The following WSCD1 variants were observed in gnomAD, a reference collection of about 807,000 sequenced individuals.
The protein encoded by WSCD1 is sialate:O-sulfotransferase 1.
In WSCD1, 41 loss-of-function variants were observed where a neutral mutation model predicts 60.4. The ratio of observed to expected loss-of-function variants is 0.68; its 90% CI spans 0.53 to 0.88. The LOEUF is 0.88. Among genes scored for constraint, WSCD1 ranks in the 40% least tolerant of loss-of-function variants. WSCD1 has a pLI of 0.00. For synonymous variants in WSCD1, 361 were observed against 332.5 expected (o/e 1.09, Z -0.93); for missense variants, 784 against 796.2 (o/e 0.98, Z 0.18).
intron 2 of WSCD1, among the ~76,000 whole-genome samples, chr17:6,086,716 A>G (rs1308522555): frequency 2.0e-5 from 3 of 152,116 alleles, no homozygotes; most frequent in Non-Finnish European, 2.9e-5. Context: ...ATTCAGGCCC[A>G]GAAGTGGATG....
chr17:6,109,461 G>A, intron 5 of WSCD1, 146 bp from the exon 6 acceptor site: 1 of 1,182,514 alleles, frequency 8.5e-7, no homozygotes, highest in Non-Finnish European at 1.2e-6. Context: ...ACAGAGCACA[G>A]TGGTGGAAGG....
rs369041543 is a variant in WSCD1 at position 6,087,106 on chromosome 17, CGT to C, written c.428-881_428-880del. 1.5e-4 allele frequency among the ~76,000 whole-genome samples: 23 copies of C among 152,264 alleles called. 2 individuals carry two copies. Among genetic ancestry groups the C allele is most frequent in the African/African-American group, 5.5e-4 (23 of 41,536 alleles). The stretch of plus-strand genomic sequence containing the variant: ...TCACGGCTTGGGGACTGTGTGACGG[CGT>C]GTTTGCAAATTCCCATGCCGCTCCT... On this transcript the variant is annotated intron_variant, in intron 2 of 8. Coordinates refer to ENST00000317744, the MANE Select transcript of WSCD1 (RefSeq NM_015253.2).
chr17:6,069,743 CTG>C (rs975140504), upstream of WSCD1, among the ~76,000 whole-genome samples: 1 of 149,886 alleles, frequency 6.7e-6, no homozygotes, highest in Non-Finnish European at 1.5e-5. Flanking sequence ...CTGTGACCGT[CTG>C]TCTCTAGCTC....
At chr17:6,091,746 G>C (rs986474830) in intron 4 of WSCD1, among the ~76,000 whole-genome samples, 1 of 152,212 alleles carries the variant, frequency 6.6e-6, no homozygotes, top group Admixed American at 6.5e-5. Flanking sequence ...GGACAGTGGT[G>C]ATGGAGGCAG....
intron 7 of WSCD1, among the ~76,000 whole-genome samples, chr17:6,111,168 A>G (rs1460281508): frequency 6.6e-6 from 1 of 152,116 alleles, no homozygotes; most frequent in Non-Finnish European, 1.5e-5. Flanking sequence ...ACAAACACCC[A>G]CGATCTAGGC....
At chr17:6,120,287 A>G (rs1311883668) in intron 8 of WSCD1, 22 bp from the exon 9 acceptor site, 1 of 1,602,596 alleles carries the variant, frequency 6.2e-7, no homozygotes, top group Non-Finnish European at 8.5e-7. Flanking sequence ...CCGACTCTGC[A>G]TCTCTCCTGT....
rs746088579 is a variant in WSCD1, at chr17:6,117,982, C to G, written c.1175-6C>G. ...TCCACAGAGACCCTCTCATTTTTCC[C>G]TGCAGGGTTCAAGGGCGAAAAGGAC... On this transcript the variant is annotated splice_region_variant and splice_polypyrimidine_tract_variant and intron_variant, in intron 7 of 8. Transcript: ENST00000317744. 6.2e-7 allele frequency: 1 copy of G among 1,613,148 alleles called. No individual in the cohort carries two copies. Among genetic ancestry groups the G allele is most frequent in the Non-Finnish European group, 8.5e-7 (1 of 1,179,958 alleles).
chr17:6,087,731 C>T (rs931292066), intron 2 of WSCD1, among the ~76,000 whole-genome samples: 3 of 152,192 alleles, frequency 2.0e-5, no homozygotes, highest in African/African-American at 4.8e-5. Flanking sequence ...GTCAGGCCGA[C>T]GCCTGGCTCC....
intron 3 of WSCD1, 99 bp downstream of exon 3, chr17:6,088,203 G>A: frequency 1.9e-6 from 2 of 1,030,290 alleles, no homozygotes; most frequent in Non-Finnish European, 2.9e-6. Flanking sequence ...GGCTGTCATA[G>A]CATAATTGGA....
chr17:6,102,409 C>G (rs1275270048), intron 5 of WSCD1, among the ~76,000 whole-genome samples: 1 of 152,220 alleles, frequency 6.6e-6, no homozygotes, highest in African/African-American at 2.4e-5. Flanking sequence ...AGAATTTTCT[C>G]TTTGACAAAA....
chr17:6,088,775 AT>A (rs1377555861), intron 3 of WSCD1, among the ~76,000 whole-genome samples: 1 of 132,746 alleles, frequency 7.5e-6, no homozygotes, highest in African/African-American at 2.7e-5. Context: ...TCTCCCACAG[AT>A]TTTTTTCACC....
intron 7 of WSCD1, 132 bp downstream of exon 7, chr17:6,111,067 G>A: frequency 9.7e-7 from 1 of 1,026,430 alleles, no homozygotes; most frequent in Non-Finnish European, 1.3e-6. Context: ...ACCTGTGGGT[G>A]GAGCCACTGT....
At chr17:6,081,835 G>A (rs1567550445) in intron 2 of WSCD1, 1 of 152,200 alleles carries the variant, frequency 6.6e-6, no homozygotes, top group Non-Finnish European at 1.5e-5. Flanking sequence ...GGGTCACAAA[G>A]TGGGGTCCCT....
intron 1 of WSCD1, among the ~76,000 whole-genome samples, chr17:6,077,509 G>A (rs1908943800): frequency 6.6e-6 from 1 of 152,176 alleles, no homozygotes; most frequent in Non-Finnish European, 1.5e-5. Context: ...AATCTGGCCT[G>A]CACGTGGCTG....
intron 4 of WSCD1, among the ~76,000 whole-genome samples, chr17:6,092,058 G>A (rs183555887): frequency 9.3e-5 from 14 of 151,266 alleles, no homozygotes; most frequent in Admixed American, 5.9e-4. Flanking sequence ...GGAGGCTGAG[G>A]CAGGAGAATC....
chr17:6,090,538 C>T (rs750790319), intron 4 of WSCD1, 33 bp downstream of exon 4: 7 of 1,608,196 alleles, frequency 4.4e-6, no homozygotes, highest in African/African-American at 1.3e-5. Flanking sequence ...GAGCTTTGTC[C>T]GTCTGTCCCA....
chr17:6,117,857 A>T, intron 7 of WSCD1, 131 bp from the exon 8 acceptor site: 1 of 881,768 alleles, frequency 1.1e-6, no homozygotes, highest in Non-Finnish European at 1.7e-6. Flanking sequence ...AGGTCCTCTC[A>T]GTGTCCTCTG....
rs141729913 is a variant in WSCD1, at chr17:6,075,269, T to A, written c.-289+4617T>A. 1.2e-3 allele frequency among the ~76,000 whole-genome samples: 176 copies of A among 152,296 alleles called. 2 individuals carry two copies. In the East Asian group the frequency reaches 0.027, roughly 24 times the overall value. The stretch of plus-strand genomic sequence containing the variant: ...TGGTGTCATTTTCCCTTCAGCTGCC[T>A]CTGCCTGTTCTCTCTGACCGGGGGT... On this transcript the variant is annotated intron_variant, in intron 1 of 8. Transcript: ENST00000317744. The surrounding 1 kb of genome is among the most constrained non-coding windows in gnomAD (Gnocchi z 4.1).
chr17:6,072,067 A>G (rs1003341324), intron 1 of WSCD1, among the ~76,000 whole-genome samples: 8 of 152,218 alleles, frequency 5.3e-5, no homozygotes, highest in Admixed American at 1.3e-4. Flanking sequence ...AGGCCTCAGC[A>G]GGGCCATTTC....
Sources: allele counts gnomAD v4.1 joint callset (sites outside exome capture counted in the v4.1 genomes callset), GRCh38; gene constraint gnomAD v4.1.1; non-coding constraint Gnocchi (gnomAD v3.1); transcripts MANE v1.5; gene names NCBI Gene and HGNC (gene_info 2026-07-23, HGNC 2026-07-21).